Variants in CTNND2 observed in about 807,000 individuals in gnomAD.
CTNND2 encodes the protein catenin delta 2.
In CTNND2, 22 loss-of-function variants were observed where a neutral mutation model predicts 144.4. The ratio of observed to expected loss-of-function variants is 0.15; its 90% CI spans 0.11 to 0.22. CTNND2 has a LOEUF of 0.22. CTNND2 is among the 10% of genes least tolerant of loss of function. The pLI is 1.00. For synonymous variants in CTNND2, 751 were observed against 695.6 expected (o/e 1.08, Z -1.25); for missense variants, 1,353 against 1,618.8 (o/e 0.84, Z 2.82).
At chr5:11,707,403 G>A (rs1424179472) in intron 2 of CTNND2, among the ~76,000 whole-genome samples, 3 of 152,114 alleles carry the variant, frequency 2.0e-5, no homozygotes, top group African/African-American at 4.8e-5. Context: ...TGCAGAGGCC[G>A]AACAATGACC....
At chr5:11,541,838 A>ACG (rs1554080448) in intron 3 of CTNND2, among the ~76,000 whole-genome samples, 43 of 75,146 alleles carry the variant, frequency 5.7e-4, no homozygotes, top group African/African-American at 2.3e-3. Context: ...TTTATTATCG[A>ACG]CCCCCCCCCC....
intron 14 of CTNND2, among the ~76,000 whole-genome samples, chr5:11,101,705 C>T (rs1479996501): frequency 2.6e-5 from 4 of 152,034 alleles, no homozygotes; most frequent in African/African-American, 7.2e-5. Flanking sequence ...GAACCTACTA[C>T]CAAAAACTCT....
chr5:11,342,386 G>A (rs921008679), intron 9 of CTNND2, among the ~76,000 whole-genome samples: 1 of 152,134 alleles, frequency 6.6e-6, no homozygotes, highest in Admixed American at 6.5e-5. Context: ...TGATAGAGCC[G>A]ACTGAAAGTG....
intron 3 of CTNND2, among the ~76,000 whole-genome samples, chr5:11,488,336 C>T (rs1769042087): frequency 6.6e-6 from 1 of 152,074 alleles, no homozygotes; most frequent in Non-Finnish European, 1.5e-5. Context: ...CAGGGGCCAC[C>T]AGCAACCATG....
At chr5:11,517,815 T>G (rs1772312664) in intron 3 of CTNND2, among the ~76,000 whole-genome samples, 1 of 151,640 alleles carries the variant, frequency 6.6e-6, no homozygotes. Context: ...ATAAAATAAA[T>G]AAATAAAAAT....
rs547537587 is a variant in CTNND2 at position 11,334,957 on chromosome 5, T to C, written c.1628+11415A>G. Among the ~76,000 whole-genome samples the C allele has an allele frequency of 4.3e-4, 65 of 152,380 alleles. 1 individual carries two copies. The South Asian group carries it at 0.013, about 32-fold the overall frequency. On this transcript the variant is annotated intron_variant, in intron 9 of 21. Coordinates refer to ENST00000304623, the MANE Select transcript of CTNND2 (RefSeq NM_001332.4). ...ATACTTCTGTCATCTTACTCTTCAA[T>C]GCACTTTAGTACATAAAGCACTGTG...
At chr5:11,401,166 C>T (rs75498271) in intron 5 of CTNND2, among the ~76,000 whole-genome samples, 8,692 of 152,180 alleles carry the variant, frequency 0.057, 567 homozygotes, top group African/African-American at 0.15. Context: ...AATTCAGACC[C>T]ACTTATAGGT....
At chr5:11,700,040 G>C (rs773612019) in intron 2 of CTNND2, among the ~76,000 whole-genome samples, 1 of 152,138 alleles carries the variant, frequency 6.6e-6, no homozygotes, top group Non-Finnish European at 1.5e-5. Flanking sequence ...ACTGTGGGTA[G>C]GTAGTTGTGT....
rs183681094 is a variant in CTNND2 at position 11,186,938 on chromosome 5, T to G, written c.1975+12510A>C. Among the ~76,000 whole-genome samples the G allele has an allele frequency of 7.9e-5, 12 of 152,266 alleles. No homozygotes were observed. In the East Asian group the frequency reaches 2.3e-3, roughly 29 times the overall value. ...ACCTCAGGAGTATTCAAGGCAATGA[T>G]AGACTGGACGGTACGTAGCACTATG... On this transcript the variant is annotated intron_variant, in intron 11 of 21. Coordinates refer to ENST00000304623, the MANE Select transcript of CTNND2 (RefSeq NM_001332.4).
intron 16 of CTNND2, among the ~76,000 whole-genome samples, chr5:11,037,320 C>A (rs1744192569): frequency 6.6e-6 from 1 of 152,178 alleles, no homozygotes; most frequent in African/African-American, 2.4e-5. Context: ...TCACACGATC[C>A]TAAATACCCC....
At chr5:11,234,596 C>T (rs1741403487) in intron 10 of CTNND2, among the ~76,000 whole-genome samples, 1 of 152,138 alleles carries the variant, frequency 6.6e-6, no homozygotes, top group Non-Finnish European at 1.5e-5. Context: ...CTGATGTAGC[C>T]GGAAACAAGT....
chr5:11,367,441 G>C (rs544298502), intron 7 of CTNND2, among the ~76,000 whole-genome samples: 39 of 152,310 alleles, frequency 2.6e-4, no homozygotes, highest in African/African-American at 8.4e-4. Context: ...CTCACACAAT[G>C]TTTTCTGGGA....
intron 11 of CTNND2, among the ~76,000 whole-genome samples, chr5:11,196,342 T>C (rs1200712712): frequency 6.6e-6 from 1 of 152,206 alleles, no homozygotes; most frequent in Non-Finnish European, 1.5e-5. Context: ...AAGGGAGACC[T>C]CACCCTGCCT....
chr5:10,986,320 T>C (rs1320402836), intron 20 of CTNND2, among the ~76,000 whole-genome samples: 1 of 152,222 alleles, frequency 6.6e-6, no homozygotes, highest in African/African-American at 2.4e-5. Context: ...TGAAGGCCTT[T>C]TGAATGATTC....
In CTNND2 at chr5:11,089,775, CAAG is replaced by C. The variant is rs374004553; in HGVS notation, c.2638-6932_2638-6930del. Among the ~76,000 whole-genome samples, 4 of 152,274 alleles carry C rather than the reference CAAG, an allele frequency of 2.6e-5. 1 individual carries two copies. The South Asian group carries it at 6.2e-4, about 24-fold the overall frequency. ...CTGTAATCCGAGCACTTTCGGAGGCCAAGGAGGGCGGATCACTTGAGGCCAGGA... is the reference window on the plus strand; with the variant it reads ...CTGTAATCCGAGCACTTTCGGAGGCCGAGGGCGGATCACTTGAGGCCAGGA... On this transcript the variant is annotated intron_variant, in intron 15 of 21. Transcript: ENST00000304623.
chr5:11,369,583 T>C (rs1757279345), intron 7 of CTNND2, among the ~76,000 whole-genome samples: 2 of 151,042 alleles, frequency 1.3e-5, no homozygotes, highest in South Asian at 4.2e-4. Flanking sequence ...TATGGATCTA[T>C]ATATTCATTC....
intron 2 of CTNND2, among the ~76,000 whole-genome samples, chr5:11,663,398 C>T (rs2727603): frequency 0.25 from 38,445 of 151,852 alleles, 8,558 homozygotes; most frequent in African/African-American, 0.61. Context: ...ATAAGTACAG[C>T]GGAAAATAGA....
At chr5:11,690,376 T>C (rs1784841338) in intron 2 of CTNND2, among the ~76,000 whole-genome samples, 1 of 152,212 alleles carries the variant, frequency 6.6e-6, no homozygotes, top group Admixed American at 6.5e-5. Context: ...AAATGCTGCT[T>C]CATTTTTACA....
At chr5:11,239,782 C>T (rs575001202) in intron 9 of CTNND2, among the ~76,000 whole-genome samples, 1 of 152,192 alleles carries the variant, frequency 6.6e-6, no homozygotes, top group East Asian at 1.9e-4. Flanking sequence ...GGGCCTCAGG[C>T]TCTTTACAAC....
Sources: gnomAD v4.1 joint callset for allele counts (sites outside exome capture counted in the v4.1 genomes callset) on GRCh38, gnomAD v4.1.1 for gene constraint, MANE v1.5 for transcripts, NCBI Gene and HGNC (gene_info 2026-07-23, HGNC 2026-07-21) for gene names.